The following IFT57 variants were observed in gnomAD, a reference collection of about 807,000 sequenced individuals.
IFT57 encodes the protein intraflagellar transport 57.
A neutral mutation model predicts 56.8 loss-of-function variants in IFT57; 59 were observed. That is an observed-to-expected ratio of 1.04 (90% CI 0.84 to 1.29). IFT57 has a LOEUF of 1.29. Ranked by LOEUF, IFT57 falls within the 50% of genes most tolerant of loss-of-function variation. IFT57 has a pLI of 0.00. For synonymous variants in IFT57, 209 were observed against 186.1 expected, an observed-to-expected ratio of 1.12 and a Z score of -1.00; for missense variants, 470 against 522.1, an observed-to-expected ratio of 0.90 and a Z score of 0.97.
intron 5 of IFT57, among the ~76,000 whole-genome samples, chr3:108,200,417 T>C (rs543974523): frequency 6.6e-6 from 1 of 152,214 alleles, no homozygotes; most frequent in South Asian, 2.1e-4. Flanking sequence ...CAGACATATA[T>C]TCAAAGCACT....
intron 6 of IFT57, among the ~76,000 whole-genome samples, chr3:108,177,782 A>C (rs1012592459): frequency 6.6e-6 from 1 of 151,840 alleles, no homozygotes; most frequent in East Asian, 1.9e-4. Context: ...AAATACTGGA[A>C]GCATTCTCCC....
chr3:108,222,406 C>T lies in IFT57; in HGVS notation c.-84G>A. The T allele has an allele frequency of 8.1e-7, 1 of 1,231,102 alleles. No homozygotes were observed. The highest frequency in any genetic ancestry group is 1.1e-6 in the Non-Finnish European group (1 of 907,704). The allele number at this position is 1,231,102 out of a possible 1,614,324, so 76.3% of individuals were successfully genotyped here. ...GCCAGCCCTGCCGCCGCCAGTACAG[C>T]CACGACCGGTTACCAGGCGACCACC... On this transcript the variant is annotated 5_prime_UTR_variant, in exon 1 of 11. Coordinates refer to ENST00000264538, the MANE Select transcript of IFT57 (RefSeq NM_018010.4).
chr3:108,221,848 T>A (rs2080407675), intron 1 of IFT57, among the ~76,000 whole-genome samples: 1 of 152,188 alleles, frequency 6.6e-6, no homozygotes, highest in African/African-American at 2.4e-5. Context: ...TGCGTGTGTG[T>A]TGGAAAAAAA....
At chr3:108,189,103 C>T (rs975545972) in intron 6 of IFT57, among the ~76,000 whole-genome samples, 1 of 152,066 alleles carries the variant, frequency 6.6e-6, no homozygotes, top group Non-Finnish European at 1.5e-5. Flanking sequence ...CACATTTTTG[C>T]AAATGAAGAC....
chr3:108,163,625 C>T (rs2080046025), intron 10 of IFT57, 38 bp downstream of exon 10: 2 of 1,420,208 alleles, frequency 1.4e-6, no homozygotes, highest in African/African-American at 1.4e-5. Flanking sequence ...CTATTTTTCT[C>T]TTGCTCAGTT....
chr3:108,170,277 A>G (rs2080085945), intron 6 of IFT57, among the ~76,000 whole-genome samples: 1 of 152,090 alleles, frequency 6.6e-6, no homozygotes, highest in Non-Finnish European at 1.5e-5. Context: ...AAACTCCTTA[A>G]GCTAATAAGC....
In IFT57 at chr3:108,163,550, A is replaced by C. The variant is rs1053478389; in HGVS notation, c.1111+113T>G. The C allele has an allele frequency of 5.6e-6, 4 of 710,278 alleles. No individual in the cohort carries two copies. In the Admixed American group the frequency reaches 1.1e-4, roughly 19 times the overall value. The allele number at this position is 710,278 out of a possible 1,614,324, so 44.0% of individuals were successfully genotyped here. On this transcript the variant is annotated intron_variant, in intron 10 of 10. Transcript: ENST00000264538. ...ATTTTTGTACAATGAATCTCTCTTC[A>C]AACAAGCAACAAATAATTTGTTTTA...
chr3:108,191,822 G>A (rs2080216596), intron 5 of IFT57, among the ~76,000 whole-genome samples, 179 bp from the exon 6 acceptor site: 1 of 152,106 alleles, frequency 6.6e-6, no homozygotes, highest in Middle Eastern at 3.4e-3. Flanking sequence ...CACCAACCTG[G>A]TAGAATAGCA....
chr3:108,171,793 T>A (rs2080093803), intron 6 of IFT57, among the ~76,000 whole-genome samples: 1 of 151,714 alleles, frequency 6.6e-6, no homozygotes, highest in Non-Finnish European at 1.5e-5. Flanking sequence ...ATATTATCAT[T>A]AATTTTTTTT....
At chr3:108,212,563 A>G (rs2080348181) in intron 4 of IFT57, among the ~76,000 whole-genome samples, 1 of 151,824 alleles carries the variant, frequency 6.6e-6, no homozygotes, top group African/African-American at 2.4e-5. Flanking sequence ...GGTCTGCAAA[A>G]CTGTGAGCCA....
chr3:108,212,535 G>A (rs946467885), intron 4 of IFT57, among the ~76,000 whole-genome samples: 9 of 152,046 alleles, frequency 5.9e-5, no homozygotes, highest in African/African-American at 2.2e-4. Context: ...GCAGATGCTG[G>A]TGCTACACTT....
chr3:108,184,824 G>A (rs574479749), intron 6 of IFT57, among the ~76,000 whole-genome samples: 1 of 152,182 alleles, frequency 6.6e-6, no homozygotes, highest in African/African-American at 2.4e-5. Context: ...ATTTCTTGAG[G>A]TTTTCGTGTA....
At chr3:108,190,879 GC>G (rs973482579) in intron 6 of IFT57, among the ~76,000 whole-genome samples, 1 of 152,074 alleles carries the variant, frequency 6.6e-6, no homozygotes, top group Non-Finnish European at 1.5e-5. Flanking sequence ...TGCAACCTCT[GC>G]CTCCTGGGTT....
intron 5 of IFT57, among the ~76,000 whole-genome samples, chr3:108,199,412 T>A (rs889169072): frequency 7.2e-5 from 11 of 152,148 alleles, no homozygotes; most frequent in African/African-American, 2.4e-4. Context: ...AAGCCAAGTG[T>A]TTACAGTGAG....
intron 6 of IFT57, among the ~76,000 whole-genome samples, chr3:108,169,744 C>A (rs1469287621): frequency 4.6e-5 from 7 of 151,666 alleles, no homozygotes; most frequent in African/African-American, 1.2e-4. Context: ...AATGTGAAAA[C>A]CCTCAATAAA....
chr3:108,191,447 G>T, intron 6 of IFT57, 74 bp downstream of exon 6: 2 of 972,526 alleles, frequency 2.1e-6, no homozygotes, highest in South Asian at 2.2e-5. Context: ...TTTTATAATT[G>T]GGAGTACCCC....
In IFT57 at chr3:108,179,424, C is replaced by T. The variant is rs28523785; in HGVS notation, c.778-11560G>A. On this transcript the variant is annotated intron_variant, in intron 6 of 10. Transcript: ENST00000264538. ...TAAGTTTACTCTAGGAAATACTTCT[C>T]GGACAAAAATCTATAAATTATCATG... Among the ~76,000 whole-genome samples, 736 of 152,018 alleles carry T rather than the reference C, an allele frequency of 4.8e-3. 3 individuals carry two copies. The highest frequency in any genetic ancestry group is 0.016 in the African/African-American group (670 of 41,508).
In IFT57 at chr3:108,162,447, A is replaced by C. The variant is rs547351126; in HGVS notation, c.*30T>G. ...AATATAGTTTGATATAAAAAACCCA[A>C]CTAATCAGAAACATGAAAACCAGTA... On this transcript the variant is annotated 3_prime_UTR_variant, in exon 11 of 11. Transcript: ENST00000264538. The C allele has an allele frequency of 4.5e-6, 7 of 1,545,610 alleles. No homozygotes were observed. In the Admixed American group the frequency reaches 1.2e-4, roughly 27 times the overall value.
Position 108,166,930 on chromosome 3 carries a change from C to T in IFT57, c.905G>A (p.Ser302Asn). The change falls in exon 8 of 11, where the codon AGC (serine) becomes AAC (asparagine). Residue 302 changes from serine to asparagine, a missense_variant. Ser to Asn is a conservative substitution (Grantham distance 46). Transcript: ENST00000264538. ...CTGATTGTTGATGTACTTTTCTCGG[C>T]TGCTGATCTTTTCCAAAGTCCTAGT... ...EITRTLEKISSREKYINNQLE... is the reference protein window; with the variant it reads ...EITRTLEKISNREKYINNQLE... The T allele has an allele frequency of 1.2e-6, 2 of 1,611,596 alleles. No homozygotes were observed. The highest frequency in any genetic ancestry group is 1.7e-6 in the Non-Finnish European group (2 of 1,178,526).
Sources: gnomAD v4.1 joint callset for allele counts (sites outside exome capture counted in the v4.1 genomes callset) on GRCh38, gnomAD v4.1.1 for gene constraint, MANE v1.5 for transcripts, NCBI Gene and HGNC (gene_info 2026-07-23, HGNC 2026-07-21) for gene names.